Variants in SYNE1 observed in about 807,000 individuals in gnomAD.
SYNE1 encodes the protein spectrin repeat containing nuclear envelope protein 1.
Under a neutral mutation model 1,111.0 loss-of-function variants are expected in SYNE1, and 616 were observed. The ratio of observed to expected loss-of-function variants is 0.55; its 90% CI spans 0.52 to 0.59. The LOEUF (loss-of-function observed/expected upper bound fraction) is 0.59, where lower values mean the gene tolerates loss of function less well. Ranked by LOEUF, SYNE1 falls within the 20% of genes least tolerant of loss-of-function variation. The pLI is 0.00. For synonymous variants in SYNE1, 3,855 were observed against 3,825.8 expected, an observed-to-expected ratio of 1.01 and a Z score of -0.28; for missense variants, 10,006 against 10,417.0, an observed-to-expected ratio of 0.96 and a Z score of 1.72.
At chr6:152,359,649 T>G (rs909528538) in intron 64 of SYNE1, among the ~76,000 whole-genome samples, 191 bp from the exon 65 acceptor site, 2 of 152,072 alleles carry the variant, frequency 1.3e-5, no homozygotes, top group Admixed American at 6.5e-5. Flanking sequence ...TGTGTGTGTG[T>G]GTGTATTTTA....
At chr6:152,621,266 G>A (rs1039480848) in intron 3 of SYNE1, among the ~76,000 whole-genome samples, 5 of 152,180 alleles carry the variant, frequency 3.3e-5, no homozygotes, top group African/African-American at 1.2e-4. Flanking sequence ...AGCCAAAGAA[G>A]TTGGGACTTT....
At chr6:152,591,597 C>T (rs891602528) in intron 3 of SYNE1, among the ~76,000 whole-genome samples, 21 of 152,010 alleles carry the variant, frequency 1.4e-4, no homozygotes, top group African/African-American at 5.1e-4. Flanking sequence ...AACATTGGTG[C>T]TGGAAAAGAA....
intron 140 of SYNE1, 75 bp downstream of exon 140, chr6:152,139,875 A>G: frequency 6.6e-7 from 1 of 1,509,634 alleles, no homozygotes; most frequent in African/African-American, 1.4e-5. Flanking sequence ...AGCTCGAACT[A>G]GAGGTGCCAT....
chr6:152,388,293 T>G lies in SYNE1; in HGVS notation c.8178-912A>C, dbSNP rs143089369. Among the ~76,000 whole-genome samples, 1,199 of 151,770 alleles carry G rather than the reference T, an allele frequency of 7.9e-3. 17 individuals carry two copies. Among genetic ancestry groups the G allele is most frequent in the African/African-American group, 0.025 (1,053 of 41,356 alleles). Reference sequence around the variant, plus strand: ...CAGGGTCTTACTCTGTCACCAAGGCTGTAGTGCTGTGGTGCAATCATATAG... The same window carrying G: ...CAGGGTCTTACTCTGTCACCAAGGCGGTAGTGCTGTGGTGCAATCATATAG... On this transcript the variant is annotated intron_variant, in intron 53 of 145. Coordinates refer to ENST00000367255, the MANE Select transcript of SYNE1 (RefSeq NM_182961.4).
chr6:152,532,660 G>T (rs1467183155), intron 4 of SYNE1, among the ~76,000 whole-genome samples: 1 of 152,100 alleles, frequency 6.6e-6, no homozygotes, highest in East Asian at 1.9e-4. Context: ...TCAAGGCAAG[G>T]GTTGACTCTC....
chr6:152,615,562 A>G (rs1424597072), intron 3 of SYNE1, among the ~76,000 whole-genome samples: 1 of 152,210 alleles, frequency 6.6e-6, no homozygotes, highest in Non-Finnish European at 1.5e-5. Flanking sequence ...ATTTTATCAC[A>G]CAGTTGAGAC....
At chr6:152,145,180 C>T (rs547452456) in intron 137 of SYNE1, 21 of 401,926 alleles carry the variant, frequency 5.2e-5, no homozygotes, top group South Asian at 3.2e-4. Context: ...AACACTAGGG[C>T]GCAGAGGCTG....
chr6:152,193,879 G>C (rs890937691), intron 127 of SYNE1, among the ~76,000 whole-genome samples: 9 of 151,868 alleles, frequency 5.9e-5, no homozygotes, highest in Non-Finnish European at 8.8e-5. Flanking sequence ...CGGGCGTGGT[G>C]GTGGGTGCCT....
chr6:152,623,687 A>T (rs539062731), intron 3 of SYNE1, among the ~76,000 whole-genome samples: 1 of 152,156 alleles, frequency 6.6e-6, no homozygotes, highest in Non-Finnish European at 1.5e-5. Flanking sequence ...TCACAATGCC[A>T]TTAAAAAGTG....
Position 152,471,738 on chromosome 6 carries a change from C to T in SYNE1, c.1491G>A (p.Glu497=), listed in dbSNP as rs1448719553. ...AAAATTCCATTTTCATTAGGTGTAG[C>T]TCTGATGTGGAGGAAACAAAATGAA... ...ERFHFVSSTS[E]LHLMKMEFLE... The change falls in exon 16 of 146, where the codon GAG becomes GAA. Residue 497 remains glutamate (E), a synonymous_variant. Transcript: ENST00000367255. The T allele has an allele frequency of 1.9e-6, 3 of 1,613,738 alleles. No individual in the cohort carries two copies. Among genetic ancestry groups the T allele is most frequent in the Admixed American group, 3.3e-5 (2 of 59,998 alleles).
chr6:152,337,359 G>A (rs897732894), intron 75 of SYNE1, among the ~76,000 whole-genome samples: 13 of 151,648 alleles, frequency 8.6e-5, no homozygotes, highest in African/African-American at 2.7e-4. Flanking sequence ...GCACGATCTC[G>A]GCTCACAGCA....
intron 93 of SYNE1, 104 bp downstream of exon 93, chr6:152,300,537 T>C: frequency 1.3e-6 from 2 of 1,539,606 alleles, no homozygotes; most frequent in Non-Finnish European, 1.8e-6. Flanking sequence ...TGGAACCAAA[T>C]GCAACAAAGT....
At chr6:152,307,968 G>T (rs1437499602) in intron 91 of SYNE1, among the ~76,000 whole-genome samples, 1 of 152,216 alleles carries the variant, frequency 6.6e-6, no homozygotes, top group African/African-American at 2.4e-5. Flanking sequence ...AAGTAGCTGG[G>T]ATTACAGGCG....
intron 11 of SYNE1, among the ~76,000 whole-genome samples, chr6:152,494,549 C>A (rs1407711320): frequency 2.6e-5 from 4 of 152,172 alleles, no homozygotes; most frequent in African/African-American, 9.7e-5. Context: ...GGCTACTGCT[C>A]CGCCCTCCTC....
chr6:152,385,783 G>T lies in SYNE1; in HGVS notation c.8543C>A (p.Ala2848Glu), dbSNP rs368832347. 6.2e-6 allele frequency: 10 copies of T among 1,613,804 alleles called. No individual in the cohort carries two copies. The African/African-American group carries it at 8.0e-5, about 13-fold the overall frequency. Residue 2848 changes from alanine to glutamate, a missense_variant, in exon 55 of 146, where the codon GCG (alanine) becomes GAG (glutamate). By Grantham distance (107) the Ala-to-Glu change is moderately radical. Transcript: ENST00000367255. ...GAGCCAATCTGTGAACTCGTGGACC[G>T]CATCTAAATACATTAGATGATCTTT... ...IVKDHLMYLD[A>E]VHEFTDWLHS...
intron 3 of SYNE1, among the ~76,000 whole-genome samples, chr6:152,550,826 C>T (rs964496611): frequency 5.3e-5 from 8 of 152,094 alleles, no homozygotes; most frequent in African/African-American, 1.7e-4. Context: ...TATCACGTTT[C>T]TAAAATCCAA....
intron 104 of SYNE1, among the ~76,000 whole-genome samples, chr6:152,250,442 A>G (rs2088837363): frequency 6.6e-6 from 1 of 152,212 alleles, no homozygotes; most frequent in African/African-American, 2.4e-5. Flanking sequence ...GTGGAAGGAT[A>G]ATCGTACCAA....
chr6:152,201,471 T>TC (rs1256954302), intron 127 of SYNE1, among the ~76,000 whole-genome samples: 1 of 150,680 alleles, frequency 6.6e-6, no homozygotes, highest in Non-Finnish European at 1.5e-5. Flanking sequence ...AGGCTGTTGA[T>TC]CCTTTTTTTT....
chr6:152,387,853 T>C (rs961660359), intron 53 of SYNE1, among the ~76,000 whole-genome samples: 1 of 152,136 alleles, frequency 6.6e-6, no homozygotes, highest in African/African-American at 2.4e-5. Context: ...GATCTATCAT[T>C]AGGTTGATTT....
Sources: allele counts gnomAD v4.1 joint callset (sites outside exome capture counted in the v4.1 genomes callset), GRCh38; gene constraint gnomAD v4.1.1; transcripts MANE v1.5; gene names NCBI Gene and HGNC (gene_info 2026-07-23, HGNC 2026-07-21).